Variants in NUP155 observed in about 807,000 individuals in gnomAD.
NUP155 encodes nucleoporin 155, also known as nuclear pore complex protein Nup155.
In NUP155, 71 loss-of-function variants were observed where a neutral mutation model predicts 180.4. The ratio of observed to expected loss-of-function variants is 0.39; its 90% CI spans 0.33 to 0.48. The LOEUF (loss-of-function observed/expected upper bound fraction) is 0.48, where lower values mean the gene tolerates loss of function less well. NUP155 is among the 20% of genes least tolerant of loss of function. NUP155 has a pLI of 0.91. For synonymous variants in NUP155, 582 were observed against 559.5 expected (o/e 1.04, Z -0.57); for missense variants, 1,553 against 1,648.9 (o/e 0.94, Z 1.01).
intron 13 of NUP155, among the ~76,000 whole-genome samples, 188 bp downstream of exon 13, chr5:37,333,275 A>G (rs1411840482): frequency 1.3e-5 from 2 of 152,014 alleles, no homozygotes; most frequent in Non-Finnish European, 2.9e-5. Flanking sequence ...GAATTGCTTG[A>G]TCTGGGGAGG....
intron 20 of NUP155, among the ~76,000 whole-genome samples, chr5:37,320,266 T>C (rs1387999190): frequency 1.3e-5 from 2 of 150,894 alleles, no homozygotes; most frequent in Non-Finnish European, 3.0e-5. Flanking sequence ...TAACCTGAGG[T>C]TGGGAGATTG....
chr5:37,305,994 A>C (rs1330251123), intron 25 of NUP155, among the ~76,000 whole-genome samples: 1 of 152,232 alleles, frequency 6.6e-6, no homozygotes, highest in Non-Finnish European at 1.5e-5. Flanking sequence ...ATAGATGTAC[A>C]TATTTGGCAT....
chr5:37,346,627 C>G (rs1746105178), intron 9 of NUP155, among the ~76,000 whole-genome samples: 1 of 151,326 alleles, frequency 6.6e-6, no homozygotes, highest in African/African-American at 2.4e-5. Flanking sequence ...AGCCAAGTCG[C>G]GCCATTGCAC....
chr5:37,338,757 A>G (rs11958244), intron 11 of NUP155, among the ~76,000 whole-genome samples: 5,480 of 152,220 alleles, frequency 0.036, 343 homozygotes, highest in African/African-American at 0.12. Context: ...ATTCCCTGAA[A>G]GACTATATAA....
chr5:37,367,237 T>C (rs575181988), intron 1 of NUP155, among the ~76,000 whole-genome samples: 3 of 151,880 alleles, frequency 2.0e-5, no homozygotes, highest in Non-Finnish European at 4.4e-5. Context: ...TGGGGTTTTT[T>C]TTTGGGATGG....
At chr5:37,356,080 T>C (rs1056503821) in intron 4 of NUP155, among the ~76,000 whole-genome samples, 3 of 150,442 alleles carry the variant, frequency 2.0e-5, no homozygotes, top group Non-Finnish European at 4.4e-5. Flanking sequence ...AAATATAAAA[T>C]TAGCCAAGCG....
intron 3 of NUP155, 90 bp from the exon 4 acceptor site, chr5:37,358,241 G>C: frequency 1.1e-6 from 1 of 903,366 alleles, no homozygotes; most frequent in Non-Finnish European, 1.8e-6. Flanking sequence ...TACTTTGGGA[G>C]TCTGAGGCAG....
At position 37,304,816 on chromosome 5, in the gene NUP155, G is replaced by A. The variant is rs1197874238; in HGVS notation, c.3085C>T (p.Arg1029Ter). The A allele has an allele frequency of 6.2e-7, 1 of 1,613,758 alleles. No homozygotes were observed. Among genetic ancestry groups the A allele is most frequent in the Non-Finnish European group, 8.5e-7 (1 of 1,179,752 alleles). Reference protein sequence around the residue: ...HFEQMLKLSQRSKDELFSIAL... With the variant: ...HFEQMLKLSQ ...ATACTAAAGAGCTCATCCTTGGATC[G>A]CTGTGACAATTTAAGCATTTGTTCA... Residue 1029 changes from arginine (R) to a stop codon, truncating the protein, a stop_gained, in exon 27 of 35, where the codon CGA (arginine) becomes TGA (stop). Coordinates refer to ENST00000231498, the MANE Select transcript of NUP155 (RefSeq NM_153485.3). LOFTEE classifies it high-confidence loss of function.
chr5:37,314,118 C>T, intron 22 of NUP155, 80 bp downstream of exon 22: 1 of 976,576 alleles, frequency 1.0e-6, no homozygotes, highest in South Asian at 1.5e-5. Flanking sequence ...CAAAATAATC[C>T]CCTCCAAAGC....
chr5:37,357,399 C>CAAAAA (rs397997409), intron 4 of NUP155, among the ~76,000 whole-genome samples: 9 of 31,300 alleles, frequency 2.9e-4, no homozygotes, highest in African/African-American at 4.2e-4. Context: ...ACCTTAATCT[C>CAAAAA]AAAAAAAAAA....
In NUP155 at chr5:37,343,446, GGAAAAA is replaced by G. The variant is rs879818716; in HGVS notation, c.996-806_996-801del. Among the ~76,000 whole-genome samples, 189 of 152,076 alleles carry G rather than the reference GGAAAAA, an allele frequency of 1.2e-3. 3 individuals are homozygous for G. Among genetic ancestry groups the G allele is most frequent in the East Asian group, 0.01 (52 of 5,188 alleles). On this transcript the variant is annotated intron_variant, in intron 9 of 34. Coordinates refer to ENST00000231498, the MANE Select transcript of NUP155 (RefSeq NM_153485.3). The stretch of plus-strand genomic sequence containing the variant: ...AAGTAATACAAGAGCAGCAAGAACT[GGAAAAA>G]CTCTGGAATGTGTATTTTTTACATT...
chr5:37,292,797 T>A (rs1246018123), intron 34 of NUP155, 82 bp downstream of exon 34: 1 of 833,550 alleles, frequency 1.2e-6, no homozygotes. Flanking sequence ...AATCTTCCCA[T>A]CTTCTCTTCA....
intron 3 of NUP155, among the ~76,000 whole-genome samples, chr5:37,360,708 C>T (rs1274271691): frequency 1.3e-5 from 2 of 151,124 alleles, no homozygotes; most frequent in African/African-American, 2.4e-5. Context: ...ATCACTTGAA[C>T]CCAGGAGGTT....
In NUP155 at chr5:37,343,097, C is replaced by T. The variant is rs574948898; in HGVS notation, c.996-451G>A. On this transcript the variant is annotated intron_variant, in intron 9 of 34. Coordinates refer to ENST00000231498, the MANE Select transcript of NUP155 (RefSeq NM_153485.3). ...TTTTTCTTTTTTCTTTTTTTTGAGACGGAGTCTTGCTCTGTTGCCCAGGCT... is the reference window on the plus strand; with the variant it reads ...TTTTTCTTTTTTCTTTTTTTTGAGATGGAGTCTTGCTCTGTTGCCCAGGCT... Among the ~76,000 whole-genome samples, 7 of 148,392 alleles carry T rather than the reference C, an allele frequency of 4.7e-5. No homozygotes were observed. The South Asian group carries it at 1.1e-3, about 23-fold the overall frequency.
intron 23 of NUP155, among the ~76,000 whole-genome samples, chr5:37,310,212 C>G (rs1581143134): frequency 6.6e-6 from 1 of 152,132 alleles, no homozygotes; most frequent in East Asian, 1.9e-4. Flanking sequence ...GTGGTGCACA[C>G]CCGTAGCCCC....
intron 7 of NUP155, among the ~76,000 whole-genome samples, chr5:37,349,678 G>C (rs56104118): frequency 0.044 from 6,690 of 152,224 alleles, 204 homozygotes; most frequent in Non-Finnish European, 0.068. Flanking sequence ...TGGCCTAATT[G>C]ATTGTGTGAA....
At chr5:37,357,363 C>G (rs917667780) in intron 4 of NUP155, among the ~76,000 whole-genome samples, 3 of 130,834 alleles carry the variant, frequency 2.3e-5, no homozygotes, top group Non-Finnish European at 4.7e-5. Flanking sequence ...TGCCACTGCA[C>G]TCCAGCCCGG....
rs1222584862 is a variant in NUP155 at position 37,294,346 on chromosome 5, G to C, written c.3913C>G (p.Gln1305Glu). ...TTCCTTACCCGTGATTTGAACAACTGATCATAAACTTCTAGTAGTCTAGGT... is the reference window on the plus strand; with the variant it reads ...TTCCTTACCCGTGATTTGAACAACTCATCATAAACTTCTAGTAGTCTAGGT... ...PLPRLLEVYD[Q>E]LFKSRDPFWN... Residue 1305 changes from glutamine (Q) to glutamate (E), a missense_variant, in exon 33 of 35, where the codon CAG becomes GAG. Transcript: ENST00000231498. The C allele has an allele frequency of 6.3e-6, 10 of 1,590,148 alleles. No individual in the cohort carries two copies. Among genetic ancestry groups the C allele is most frequent in the Non-Finnish European group, 8.6e-6 (10 of 1,159,892 alleles).
intron 3 of NUP155, among the ~76,000 whole-genome samples, chr5:37,358,759 C>T (rs1318274217): frequency 6.6e-6 from 1 of 152,168 alleles, no homozygotes; most frequent in Non-Finnish European, 1.5e-5. Flanking sequence ...TGGCTCACAC[C>T]TGTAAACCCA....
Sources: gnomAD v4.1 joint callset for allele counts (sites outside exome capture counted in the v4.1 genomes callset) on GRCh38, gnomAD v4.1.1 for gene constraint, MANE v1.5 for transcripts, NCBI Gene and HGNC (gene_info 2026-07-23, HGNC 2026-07-21) for gene names.